AGBL1: variants seen among roughly 807,000 people sequenced by gnomAD.
AGBL1 encodes AGBL carboxypeptidase 1.
AGBL1 carries 130 observed loss-of-function variants against 118.9 expected under a neutral mutation model. That is an observed-to-expected ratio of 1.09 (90% CI 0.95 to 1.26). The LOEUF is 1.26. Among genes scored for constraint, AGBL1 ranks in the 50% most tolerant of loss-of-function variants. AGBL1 has a pLI of 0.00. For synonymous variants in AGBL1, 555 were observed against 478.9 expected, an observed-to-expected ratio of 1.16 and a Z score of -2.08; for missense variants, 1,584 against 1,298.1, an observed-to-expected ratio of 1.22 and a Z score of -3.38.
chr15:86,678,421 T>C (rs907160532), intron 22 of AGBL1, among the ~76,000 whole-genome samples: 7 of 152,158 alleles, frequency 4.6e-5, no homozygotes, highest in Non-Finnish European at 7.4e-5. Flanking sequence ...AATCCTTCTA[T>C]ATCATGAGGA....
At chr15:86,188,191 T>C (rs2077663014) in intron 5 of AGBL1, among the ~76,000 whole-genome samples, 1 of 152,144 alleles carries the variant, frequency 6.6e-6, no homozygotes, top group Non-Finnish European at 1.5e-5. Context: ...TAAAATACTG[T>C]ATGGTTGACA....
At chr15:86,964,637 CT>C (rs201948740) in intron 23 of AGBL1, among the ~76,000 whole-genome samples, 5,999 of 143,204 alleles carry the variant, frequency 0.042, 189 homozygotes, top group East Asian at 0.1. Flanking sequence ...AAATAGAAAT[CT>C]TTTTTTTTTT....
intron 16 of AGBL1, among the ~76,000 whole-genome samples, chr15:86,294,230 C>G (rs952806694): frequency 6.6e-6 from 1 of 151,840 alleles, no homozygotes; most frequent in Non-Finnish European, 1.5e-5. Context: ...AAACCCCACT[C>G]TCTACTAAAA....
chr15:86,459,427 G>A (rs1178412433), intron 18 of AGBL1, among the ~76,000 whole-genome samples: 3 of 152,116 alleles, frequency 2.0e-5, no homozygotes, highest in Non-Finnish European at 1.5e-5. Flanking sequence ...GCTTTCTCTA[G>A]TTTCAGCTTG....
chr15:86,270,612 T>C (rs2079144845), intron 14 of AGBL1, among the ~76,000 whole-genome samples: 1 of 152,192 alleles, frequency 6.6e-6, no homozygotes, highest in South Asian at 2.1e-4. Flanking sequence ...ATATACTAAC[T>C]TGCTGGGTGG....
chr15:86,174,818 A>G (rs550230051), intron 5 of AGBL1, among the ~76,000 whole-genome samples: 1 of 152,190 alleles, frequency 6.6e-6, no homozygotes, highest in African/African-American at 2.4e-5. Flanking sequence ...GTATATGTTG[A>G]ACCATCCTTG....
intron 17 of AGBL1, among the ~76,000 whole-genome samples, chr15:86,318,792 A>G (rs889630755): frequency 4.1e-5 from 6 of 144,714 alleles, no homozygotes; most frequent in Admixed American, 2.2e-4. Flanking sequence ...TTTAGAATGC[A>G]TGAATCCATG....
At chr15:86,100,435 G>T (rs995139068) in intron 1 of AGBL1, among the ~76,000 whole-genome samples, 2 of 152,076 alleles carry the variant, frequency 1.3e-5, no homozygotes, top group Admixed American at 1.3e-4. Context: ...CAGCAGTGAA[G>T]CCATCCAGTC....
At position 86,407,582 on chromosome 15, in the gene AGBL1, A is replaced by T. The variant is rs573790418; in HGVS notation, c.2555+10036A>T. Among the ~76,000 whole-genome samples the T allele has an allele frequency of 1.5e-3, 222 of 152,336 alleles. 6 individuals carry two copies. In the South Asian group the frequency reaches 0.044, roughly 30 times the overall value. On this transcript the variant is annotated intron_variant, in intron 18 of 22. Transcript: ENST00000614907. ...CTTCTAAAATGTTTTACTATAGGTC[A>T]GATAGGAAGGTAAAGTTTGTGTACT...
intron 19 of AGBL1, among the ~76,000 whole-genome samples, chr15:86,540,872 A>G (rs1305150746): frequency 1.3e-5 from 2 of 152,172 alleles, no homozygotes; most frequent in Admixed American, 6.5e-5. Flanking sequence ...TTCTGTGGCT[A>G]CTAGAACTCA....
intron 19 of AGBL1, among the ~76,000 whole-genome samples, chr15:86,530,599 C>A (rs1045327598): frequency 4.6e-4 from 70 of 150,944 alleles, no homozygotes; most frequent in African/African-American, 1.6e-3. Flanking sequence ...CAGCTCTGCA[C>A]CAAGCGGACT....
intron 18 of AGBL1, among the ~76,000 whole-genome samples, chr15:86,435,105 T>A (rs2081985697): frequency 1.3e-5 from 2 of 152,358 alleles, no homozygotes; most frequent in South Asian, 4.1e-4. Context: ...GTTCTTTTCA[T>A]AATTTCTAGG....
At chr15:86,817,167 C>T (rs1402320793) in intron 22 of AGBL1, among the ~76,000 whole-genome samples, 2 of 151,764 alleles carry the variant, frequency 1.3e-5, no homozygotes, top group African/African-American at 4.8e-5. Context: ...GGTCAGGTGG[C>T]TGTAATCCCA....
At chr15:86,700,679 G>C (rs1441446241) in intron 22 of AGBL1, among the ~76,000 whole-genome samples, 3 of 152,036 alleles carry the variant, frequency 2.0e-5, no homozygotes, top group Non-Finnish European at 4.4e-5. Context: ...ATACACTAAA[G>C]ATACAGGCAA....
intron 22 of AGBL1, among the ~76,000 whole-genome samples, chr15:86,839,714 C>T (rs550018588): frequency 5.1e-4 from 78 of 152,202 alleles, no homozygotes; most frequent in Non-Finnish European, 4.6e-4. Flanking sequence ...ACCAAAATTG[C>T]CTCCTGTCAA....
At chr15:86,974,848 A>T (rs2141711016) in intron 23 of AGBL1, among the ~76,000 whole-genome samples, 1 of 152,004 alleles carries the variant, frequency 6.6e-6, no homozygotes, top group Non-Finnish European at 1.5e-5. Flanking sequence ...GTAACAATGT[A>T]GTAAATTGAC....
intron 23 of AGBL1, among the ~76,000 whole-genome samples, chr15:86,986,998 T>TG (rs1464768932): frequency 6.7e-6 from 1 of 150,134 alleles, no homozygotes; most frequent in Admixed American, 6.6e-5. Flanking sequence ...CGGGCAGGAG[T>TG]GGGGGTCACA....
chr15:86,178,033 G>C (rs1157603927), intron 5 of AGBL1, among the ~76,000 whole-genome samples: 1 of 152,136 alleles, frequency 6.6e-6, no homozygotes, highest in Non-Finnish European at 1.5e-5. Flanking sequence ...TTCATTCCAG[G>C]CTGGGCATGG....
intron 21 of AGBL1, among the ~76,000 whole-genome samples, chr15:86,596,904 A>G (rs188986315): frequency 5.9e-5 from 9 of 152,152 alleles, no homozygotes; most frequent in African/African-American, 1.7e-4. Flanking sequence ...TACTCCTATT[A>G]ACATTTAGTC....
Sources: allele counts gnomAD v4.1 joint callset (sites outside exome capture counted in the v4.1 genomes callset), GRCh38; gene constraint gnomAD v4.1.1; transcripts MANE v1.5; gene names NCBI Gene and HGNC (gene_info 2026-07-23, HGNC 2026-07-21).